SLC44A1: variants seen among roughly 807,000 people sequenced by gnomAD.
SLC44A1 encodes the protein solute carrier family 44 member 1, also known as choline transporter-like protein 1.
A neutral mutation model predicts 79.3 loss-of-function variants in SLC44A1; 26 were observed. The observed-to-expected ratio is 0.33, with a 90% CI of 0.24 to 0.46. The LOEUF (loss-of-function observed/expected upper bound fraction) is 0.46, where lower values mean the gene tolerates loss of function less well. SLC44A1 is among the 20% of genes least tolerant of loss of function. The pLI is 1.00. For missense variants in SLC44A1, 688 were observed against 798.1 expected (o/e 0.86, Z 1.66); for synonymous variants, 263 against 286.2 (o/e 0.92, Z 0.82).
In SLC44A1 at chr9:105,364,551, C is replaced by G; in HGVS notation, c.1088-4C>G. The stretch of plus-strand genomic sequence containing the variant: ...TCTTCTTTCCTTCCTTGATATTTTC[C>G]TAGGCAGTCCTGTTCAGAATGAGCA... On this transcript the variant is annotated splice_region_variant and splice_polypyrimidine_tract_variant and intron_variant, in intron 9 of 15. Coordinates refer to ENST00000374720, the MANE Select transcript of SLC44A1 (RefSeq NM_080546.5). The G allele has an allele frequency of 1.3e-5, 20 of 1,593,706 alleles. No homozygotes were observed. Among genetic ancestry groups the G allele is most frequent in the Non-Finnish European group, 1.7e-5 (20 of 1,173,296 alleles).
intron 15 of SLC44A1, among the ~76,000 whole-genome samples, chr9:105,422,355 C>T (rs10820802): frequency 0.094 from 13,230 of 141,344 alleles, 1,324 homozygotes; most frequent in East Asian, 0.51. Context: ...GTGGCACCAT[C>T]TCGGCTCACT....
At chr9:105,404,896 CAAT>C (rs1369288657) in intron 15 of SLC44A1, among the ~76,000 whole-genome samples, 3 of 152,148 alleles carry the variant, frequency 2.0e-5, no homozygotes, top group Admixed American at 6.5e-5. Flanking sequence ...TTGTGTAAGA[CAAT>C]GATAATTTTT....
chr9:105,369,872 T>C (rs1038215099), intron 12 of SLC44A1, among the ~76,000 whole-genome samples: 2 of 152,250 alleles, frequency 1.3e-5, no homozygotes, highest in African/African-American at 4.8e-5. Flanking sequence ...ACATGATCAG[T>C]ACTTTTTAAC....
At chr9:105,343,717 C>T (rs1205342262) in intron 4 of SLC44A1, among the ~76,000 whole-genome samples, 5 of 152,180 alleles carry the variant, frequency 3.3e-5, no homozygotes, top group African/African-American at 1.2e-4. Context: ...TTTCATTCAA[C>T]AAATACTTAG....
At chr9:105,257,084 C>A (rs935308392) in intron 1 of SLC44A1, among the ~76,000 whole-genome samples, 2 of 150,898 alleles carry the variant, frequency 1.3e-5, no homozygotes, top group African/African-American at 2.4e-5. Context: ...CTGCGCCCGG[C>A]CTTTTTTTGT....
intron 2 of SLC44A1, among the ~76,000 whole-genome samples, chr9:105,307,144 G>A (rs1831053823): frequency 6.6e-6 from 1 of 152,124 alleles, no homozygotes; most frequent in Non-Finnish European, 1.5e-5. Flanking sequence ...CTAGGGATCG[G>A]ATATGCATTA....
intron 15 of SLC44A1, among the ~76,000 whole-genome samples, chr9:105,411,448 G>A (rs961744535): frequency 7.0e-6 from 1 of 142,314 alleles, no homozygotes; most frequent in East Asian, 2.0e-4. Flanking sequence ...GTCTCTCTCT[G>A]TGTATGTGTG....
At chr9:105,293,167 A>G (rs1830643071) in intron 1 of SLC44A1, among the ~76,000 whole-genome samples, 2 of 152,290 alleles carry the variant, frequency 1.3e-5, no homozygotes, top group Admixed American at 1.3e-4. Context: ...GAAAAAAAAG[A>G]ATATTTTCTG....
In SLC44A1 at chr9:105,272,055, T is replaced by C. The variant is rs181390590; in HGVS notation, c.36+27151T>C. ...GCAAGAGTCTGTTTTTATTTTTTCC[T>C]CATCTTCAACAGTATCTAATAGAGT... On this transcript the variant is annotated intron_variant, in intron 1 of 15. Transcript: ENST00000374720. 3.9e-4 allele frequency among the ~76,000 whole-genome samples: 60 copies of C among 152,366 alleles called. 1 individual carries two copies.
chr9:105,247,860 G>A (rs959976155), intron 1 of SLC44A1, among the ~76,000 whole-genome samples: 6 of 152,176 alleles, frequency 3.9e-5, no homozygotes, highest in African/African-American at 1.2e-4. Flanking sequence ...CTATGGGCTG[G>A]TTGATTAATT....
rs1040909090 is a variant in SLC44A1 at position 105,300,009 on chromosome 9, G to T, written c.126+700G>T. On this transcript the variant is annotated intron_variant, in intron 2 of 15. Transcript: ENST00000374720. The stretch of plus-strand genomic sequence containing the variant: ...GGAGTTTCTGACACAGACTTCAGTG[G>T]CATTAGAGTCCCTGCCAGTGTGCTG... 3 of 866,586 alleles carry T rather than the reference G, an allele frequency of 3.5e-6. No individual in the cohort carries two copies. In the African/African-American group the frequency reaches 5.5e-5, roughly 16 times the overall value. 53.7% of individuals were successfully genotyped at this position (866,586 alleles called of 1,614,324 possible). A position where few individuals can be genotyped will look rare whatever the true frequency, so the allele number is the denominator to read the frequency against.
At chr9:105,374,758 CAACAT>C (rs1828224072) in intron 13 of SLC44A1, 23 bp downstream of exon 13, 1 of 1,565,370 alleles carries the variant, frequency 6.4e-7, no homozygotes, top group Non-Finnish European at 8.7e-7. Context: ...ATTTTTTCTG[CAACAT>C]ACAGTAAAAT....
intron 3 of SLC44A1, among the ~76,000 whole-genome samples, chr9:105,325,858 A>G (rs1284148998): frequency 2.0e-5 from 3 of 152,236 alleles, no homozygotes; most frequent in Non-Finnish European, 4.4e-5. Context: ...TCCGTCAAAT[A>G]TACTTAAAAC....
intron 1 of SLC44A1, among the ~76,000 whole-genome samples, chr9:105,276,805 G>C (rs909900606): frequency 2.0e-5 from 3 of 152,144 alleles, no homozygotes; most frequent in African/African-American, 7.2e-5. Flanking sequence ...GGAAGGAAGG[G>C]AACAGCAGGT....
chr9:105,341,916 C>G (rs1256316700), intron 4 of SLC44A1, among the ~76,000 whole-genome samples: 1 of 152,076 alleles, frequency 6.6e-6, no homozygotes, highest in Non-Finnish European at 1.5e-5. Context: ...ATTCATATCT[C>G]TTCTTCTCTT....
intron 13 of SLC44A1, among the ~76,000 whole-genome samples, chr9:105,377,296 TA>T (rs1828319254): frequency 6.6e-6 from 1 of 152,146 alleles, no homozygotes; most frequent in Non-Finnish European, 1.5e-5. Context: ...TAGTAGTGTT[TA>T]AAAATGTTTA....
rs181463553 is a variant in SLC44A1, at chr9:105,407,443, C to T, written c.1950+21941C>T. ...GCAGCAAGAGGGAAGCAGCTCACTA[C>T]ATATAAGTGATCCTTAATAAGATTA... On this transcript the variant is annotated intron_variant, in intron 15 of 15. Coordinates refer to the SLC44A1 transcript ENST00000374724. Among the ~76,000 whole-genome samples, 275 of 152,268 alleles carry T rather than the reference C, an allele frequency of 1.8e-3. 2 individuals carry two copies. Among genetic ancestry groups the T allele is most frequent in the African/African-American group, 6.3e-3 (261 of 41,552 alleles).
chr9:105,395,932 C>A lies in SLC44A1; in HGVS notation c.*6876C>A. 1 of 983,378 alleles carries A rather than the reference C, an allele frequency of 1.0e-6. No individual in the cohort carries two copies. The allele number at this position is 983,378 out of a possible 1,614,324, so 60.9% of individuals were successfully genotyped here. On this transcript the variant is annotated 3_prime_UTR_variant, in exon 16 of 16. Transcript: ENST00000374720. ...TTTTTTTGTAAATTGTATTAGATAC[C>A]CCACAGGAATGTGACAATAATAGGA...
intron 3 of SLC44A1, among the ~76,000 whole-genome samples, chr9:105,315,258 C>T (rs1458868056): frequency 2.2e-5 from 3 of 137,572 alleles, no homozygotes; most frequent in African/African-American, 3.1e-5. Flanking sequence ...TGATGAACTG[C>T]GTTTTTTTGT....
Sources: gnomAD v4.1 joint callset for allele counts (sites outside exome capture counted in the v4.1 genomes callset) on GRCh38, gnomAD v4.1.1 for gene constraint, MANE v1.5 for transcripts, NCBI Gene and HGNC (gene_info 2026-07-23, HGNC 2026-07-21) for gene names.